Variants in ASCC3 observed in about 807,000 individuals in gnomAD.
The protein encoded by ASCC3 is ASC-1 complex subunit P200.
Under a neutral mutation model 256.3 loss-of-function variants are expected in ASCC3, and 158 were observed. The ratio of observed to expected loss-of-function variants is 0.62; its 90% CI spans 0.54 to 0.70. The LOEUF (loss-of-function observed/expected upper bound fraction) is 0.70. Ranked by LOEUF, ASCC3 falls within the 30% of genes least tolerant of loss-of-function variation. ASCC3 has a pLI of 0.00. For synonymous variants in ASCC3, 948 were observed against 883.4 expected, an observed-to-expected ratio of 1.07 and a Z score of -1.30; for missense variants, 2,259 against 2,626.0, an observed-to-expected ratio of 0.86 and a Z score of 3.05.
At chr6:100,795,495 A>G (rs1405548653) in intron 8 of ASCC3, among the ~76,000 whole-genome samples, 1 of 152,108 alleles carries the variant, frequency 6.6e-6, no homozygotes, top group Non-Finnish European at 1.5e-5. Context: ...CTTCTGGACA[A>G]TCCAGGTAGA....
chr6:100,841,205 G>A lies in ASCC3; in HGVS notation c.801+6943C>T, dbSNP rs898178489. Among the ~76,000 whole-genome samples, 5 of 152,286 alleles carry A rather than the reference G, an allele frequency of 3.3e-5. No homozygotes were observed. In the East Asian group the frequency reaches 5.8e-4, roughly 18 times the overall value. ...CCATAAATATTGAATGCTAGCTACA[G>A]CAAAGGAGATAGTAGTAAGGAACAT... On this transcript the variant is annotated intron_variant, in intron 4 of 41. Coordinates refer to ENST00000369162, the MANE Select transcript of ASCC3 (RefSeq NM_006828.4).
intron 13 of ASCC3, among the ~76,000 whole-genome samples, chr6:100,694,852 A>T (rs114836787): frequency 6.6e-6 from 1 of 152,182 alleles, no homozygotes; most frequent in Non-Finnish European, 1.5e-5. Flanking sequence ...ATGGAGTTAG[A>T]AAATCATCAA....
chr6:100,739,523 C>A (rs62420606), intron 10 of ASCC3, among the ~76,000 whole-genome samples: 13,867 of 152,184 alleles, frequency 0.091, 897 homozygotes, highest in Middle Eastern at 0.16. Flanking sequence ...GGTATCAGCT[C>A]TTTGTACCTC....
intron 36 of ASCC3, among the ~76,000 whole-genome samples, chr6:100,574,649 T>G (rs370585993): frequency 6.6e-6 from 1 of 151,772 alleles, no homozygotes; most frequent in East Asian, 1.9e-4. Flanking sequence ...TTGACAGTCC[T>G]TAATCTGTGG....
At chr6:100,637,146 A>C (rs1295884113) in intron 25 of ASCC3, among the ~76,000 whole-genome samples, 1 of 152,182 alleles carries the variant, frequency 6.6e-6, no homozygotes, top group African/African-American at 2.4e-5. Flanking sequence ...AGGAGGAGCT[A>C]ACTTTCTTGT....
chr6:100,793,882 T>C (rs1252314377), intron 8 of ASCC3, among the ~76,000 whole-genome samples: 1 of 151,956 alleles, frequency 6.6e-6, no homozygotes, highest in African/African-American at 2.4e-5. Context: ...ATGCTGAACA[T>C]GCACAAAAGT....
At chr6:100,841,498 T>C (rs928495586) in intron 4 of ASCC3, among the ~76,000 whole-genome samples, 1 of 152,146 alleles carries the variant, frequency 6.6e-6, no homozygotes, top group African/African-American at 2.4e-5. Context: ...CAAAATAATC[T>C]TAATTCTTAT....
At chr6:100,798,481 AC>A (rs1429483694) in intron 8 of ASCC3, among the ~76,000 whole-genome samples, 1 of 152,074 alleles carries the variant, frequency 6.6e-6, no homozygotes, top group Non-Finnish European at 1.5e-5. Context: ...CTGAAAAAAA[AC>A]ATGAAACATA....
At chr6:100,677,693 A>C (rs1777095410) in intron 14 of ASCC3, among the ~76,000 whole-genome samples, 1 of 152,090 alleles carries the variant, frequency 6.6e-6, no homozygotes, top group Non-Finnish European at 1.5e-5. Flanking sequence ...ACTCTATGAA[A>C]GGCTGGGAAT....
intron 20 of ASCC3, among the ~76,000 whole-genome samples, chr6:100,648,718 G>A (rs1775508921): frequency 6.6e-6 from 1 of 151,774 alleles, no homozygotes; most frequent in African/African-American, 2.4e-5. Context: ...ATTCCCACTT[G>A]TTCTTACAAA....
intron 36 of ASCC3, among the ~76,000 whole-genome samples, chr6:100,541,961 T>C (rs955348635): frequency 5.9e-5 from 9 of 152,084 alleles, no homozygotes; most frequent in African/African-American, 1.9e-4. Context: ...TTGAAGAAAT[T>C]TGTAAACTTA....
chr6:100,694,951 G>A (rs770745199), intron 13 of ASCC3, among the ~76,000 whole-genome samples: 13 of 151,964 alleles, frequency 8.6e-5, no homozygotes, highest in Non-Finnish European at 1.8e-4. Context: ...GAAACAAAGG[G>A]GAAAATAATA....
At chr6:100,644,925 G>A (rs1394437618) in intron 22 of ASCC3, among the ~76,000 whole-genome samples, 1 of 152,154 alleles carries the variant, frequency 6.6e-6, no homozygotes, top group African/African-American at 2.4e-5. Context: ...AGAGCAAATG[G>A]GTGAAAAGTT....
chr6:100,727,196 A>T (rs1779672689), intron 10 of ASCC3, among the ~76,000 whole-genome samples: 1 of 152,020 alleles, frequency 6.6e-6, no homozygotes, highest in African/African-American at 2.4e-5. Context: ...GGAGGGGAAG[A>T]GAAGAGAAAA....
intron 38 of ASCC3, among the ~76,000 whole-genome samples, chr6:100,517,434 T>C (rs1774088458): frequency 6.6e-6 from 1 of 152,120 alleles, no homozygotes; most frequent in African/African-American, 2.4e-5. Flanking sequence ...CAACCCTGCT[T>C]GTATTAGACA....
At chr6:100,871,772 C>T (rs917139280) in intron 1 of ASCC3, among the ~76,000 whole-genome samples, 1 of 152,182 alleles carries the variant, frequency 6.6e-6, no homozygotes, top group Admixed American at 6.5e-5. Context: ...GAATTCAGTG[C>T]ATAGCCTGGC....
intron 36 of ASCC3, among the ~76,000 whole-genome samples, chr6:100,555,228 A>G (rs1769509538): frequency 6.6e-6 from 1 of 152,164 alleles, no homozygotes; most frequent in African/African-American, 2.4e-5. Flanking sequence ...TTACTCCACT[A>G]CAATAAAGTA....
At chr6:100,637,869 A>T (rs1041513540) in intron 25 of ASCC3, among the ~76,000 whole-genome samples, 4 of 152,182 alleles carry the variant, frequency 2.6e-5, no homozygotes, top group Admixed American at 6.5e-5. Context: ...CTTCTCATGG[A>T]TGAGCAAAGA....
intron 14 of ASCC3, among the ~76,000 whole-genome samples, chr6:100,666,685 A>G (rs1227814086): frequency 1.3e-5 from 2 of 152,210 alleles, no homozygotes; most frequent in Admixed American, 1.3e-4. Context: ...ACAGAAGGAT[A>G]TTTGCAATGA....
Sources: allele counts gnomAD v4.1 joint callset (sites outside exome capture counted in the v4.1 genomes callset), GRCh38; gene constraint gnomAD v4.1.1; transcripts MANE v1.5; gene names NCBI Gene and HGNC (gene_info 2026-07-23, HGNC 2026-07-21).